Variants in EPC1 observed in about 807,000 individuals in gnomAD.
EPC1 encodes enhancer of polycomb 1, also known as enhancer of polycomb homolog 1.
Under a neutral mutation model 98.4 loss-of-function variants are expected in EPC1, and 12 were observed. The observed-to-expected ratio is 0.12, with a 90% confidence interval of 0.08 to 0.20. The LOEUF (loss-of-function observed/expected upper bound fraction) is 0.20. Ranked by LOEUF, EPC1 falls within the 10% of genes least tolerant of loss-of-function variation. The pLI is 1.00. For synonymous variants in EPC1, 357 were observed against 363.9 expected (o/e 0.98, Z 0.21); for missense variants, 729 against 990.5 (o/e 0.74, Z 3.54).
chr10:32,273,178 G>A lies in EPC1; in HGVS notation c.1848C>T (p.Ser616=). 2.5e-6 allele frequency: 4 copies of A among 1,614,114 alleles called. No individual in the cohort carries two copies. The highest frequency in any genetic ancestry group is 3.4e-6 in the Non-Finnish European group (4 of 1,179,990). ...IQQQQANSNS[S]TNTSQGFVSK... is the part of the protein sequence containing the mutation. ...AATCCCTCACCTGTGATGTGTTGGT[G>A]GAGGAATTACTATTTGCTTGCTGTT... Residue 616 remains serine, a synonymous_variant, in exon 11 of 14, where the codon TCC becomes TCT. Coordinates refer to ENST00000319778, the MANE Select transcript of EPC1 (RefSeq NM_001272004.3).
chr10:32,323,256 AT>A (rs1837044454), intron 1 of EPC1, among the ~76,000 whole-genome samples: 2 of 152,026 alleles, frequency 1.3e-5, no homozygotes, highest in Non-Finnish European at 2.9e-5. Flanking sequence ...AAACCACAAA[AT>A]CCCCCCCAGT....
intron 1 of EPC1, among the ~76,000 whole-genome samples, chr10:32,367,259 G>A (rs1839628547): frequency 1.3e-5 from 2 of 152,160 alleles, no homozygotes; most frequent in Admixed American, 1.3e-4. Flanking sequence ...CCAAAGTGCT[G>A]GGATTACTGG....
upstream of EPC1, among the ~76,000 whole-genome samples, chr10:32,350,008 T>C (rs1323004141): frequency 6.6e-6 from 1 of 152,210 alleles, no homozygotes; most frequent in Admixed American, 6.5e-5. Context: ...GTCCGAAAGA[T>C]TCCTTGAAAA....
intron 1 of EPC1, among the ~76,000 whole-genome samples, chr10:32,344,226 T>C (rs903513151): frequency 2.0e-5 from 3 of 152,216 alleles, no homozygotes; most frequent in African/African-American, 7.2e-5. Context: ...TTCAATATTA[T>C]GATTTACACA....
intron 1 of EPC1, among the ~76,000 whole-genome samples, chr10:32,320,427 T>C (rs915142117): frequency 2.0e-5 from 3 of 152,206 alleles, no homozygotes; most frequent in African/African-American, 7.2e-5. Context: ...TTAAGTGTTA[T>C]GTGAGGAGTT....
Position 32,369,405 on chromosome 10 carries a change from A to T in EPC1, c.3+9086T>A, listed in dbSNP as rs903345746. Reference sequence around the variant, plus strand: ...GTAGGCCTTCAGAATACCTTTTTTTAAAATAAAAAATACAGTAAATATAAA... The same window carrying T: ...GTAGGCCTTCAGAATACCTTTTTTTTAAATAAAAAATACAGTAAATATAAA... On this transcript the variant is annotated intron_variant, in intron 1 of 13. Transcript: ENST00000375110. 3.3e-5 allele frequency among the ~76,000 whole-genome samples: 5 copies of T among 152,162 alleles called. No individual in the cohort carries two copies. In the East Asian group the frequency reaches 9.6e-4, roughly 29 times the overall value.
chr10:32,323,770 G>A (rs1414602321), intron 1 of EPC1, among the ~76,000 whole-genome samples: 1 of 152,124 alleles, frequency 6.6e-6, no homozygotes, highest in Non-Finnish European at 1.5e-5. Flanking sequence ...TCTGACTAAT[G>A]AAATCAACCT....
intron 1 of EPC1, among the ~76,000 whole-genome samples, chr10:32,314,406 C>T (rs1030744400): frequency 7.9e-5 from 12 of 152,184 alleles, no homozygotes; most frequent in African/African-American, 2.9e-4. Context: ...ACTTTTGTTA[C>T]TTCAGCCTGC....
intron 1 of EPC1, among the ~76,000 whole-genome samples, chr10:32,309,593 C>A (rs1442009146): frequency 6.6e-6 from 1 of 150,626 alleles, no homozygotes; most frequent in Non-Finnish European, 1.5e-5. Flanking sequence ...CGGTGGCTCA[C>A]GCCTGTAATC....
chr10:32,337,999 C>T lies in EPC1; in HGVS notation c.153+8764G>A, dbSNP rs951376473. On this transcript the variant is annotated intron_variant, in intron 1 of 13. Transcript: ENST00000319778. ...TCCTCCTCTGAGTCCCAGAGCACAG[C>T]ATTCCATGCGATTCATAAGCTGAAG... is the stretch of plus-strand genomic sequence containing the variant. Among the ~76,000 whole-genome samples, 10 of 152,344 alleles carry T rather than the reference C, an allele frequency of 6.6e-5. No individual in the cohort carries two copies. In the South Asian group the frequency reaches 2.1e-3, roughly 32 times the overall value.
chr10:32,345,033 G>A, intron 1 of EPC1: 1 of 576,070 alleles, frequency 1.7e-6, no homozygotes, highest in Non-Finnish European at 2.2e-6. Flanking sequence ...TTCCAGGGCA[G>A]GGTAAAACCA....
intron 1 of EPC1, among the ~76,000 whole-genome samples, chr10:32,316,460 A>T (rs1406144271): frequency 6.6e-6 from 1 of 152,236 alleles, no homozygotes; most frequent in Non-Finnish European, 1.5e-5. Flanking sequence ...ACTGTGGTAA[A>T]GCCATACAGC....
At chr10:32,302,240 CAAAA>C (rs879413956) in intron 2 of EPC1, among the ~76,000 whole-genome samples, 2 of 138,958 alleles carry the variant, frequency 1.4e-5, no homozygotes, top group Non-Finnish European at 3.1e-5. Flanking sequence ...GACTCCGTCT[CAAAA>C]AAAAAAAAAT....
upstream of EPC1, among the ~76,000 whole-genome samples, chr10:32,351,857 A>G (rs1479935623): frequency 1.4e-5 from 2 of 148,026 alleles, no homozygotes; most frequent in East Asian, 4.1e-4. Context: ...CAGCTTCACA[A>G]GTAGCTGGGA....
At chr10:32,316,039 T>C (rs559900674) in intron 1 of EPC1, among the ~76,000 whole-genome samples, 5 of 152,348 alleles carry the variant, frequency 3.3e-5, no homozygotes, top group Admixed American at 1.3e-4. Flanking sequence ...GCTATAGTCA[T>C]ACTGGATTCC....
chr10:32,291,191 A>G lies in EPC1; in HGVS notation c.947T>C (p.Met316Thr), dbSNP rs567049721. Residue 316 changes from methionine (M) to threonine (T), a missense_variant, in exon 6 of 14, where the codon ATG becomes ACG. Physicochemically the swap from Met to Thr is moderately conservative, Grantham distance 81. Transcript: ENST00000319778. ...ATTAACTTTGAACTCCTTCACATCCATTGCTTCCTGGTGTTTAAATTGACT... is the reference window on the plus strand; with the variant it reads ...ATTAACTTTGAACTCCTTCACATCCGTTGCTTCCTGGTGTTTAAATTGACT... ...NSSQFKHQEA[M>T]DVKEFKVNKQ... is the part of the protein sequence containing the mutation. 2 of 1,613,764 alleles carry G rather than the reference A, an allele frequency of 1.2e-6. No homozygotes were observed. The highest frequency in any genetic ancestry group is 1.3e-5 in the African/African-American group (1 of 75,000).
At chr10:32,311,982 A>G (rs1042396000) in intron 1 of EPC1, among the ~76,000 whole-genome samples, 2 of 152,228 alleles carry the variant, frequency 1.3e-5, no homozygotes, top group Admixed American at 1.3e-4. Context: ...TCATTTCTAG[A>G]ATTTTCCACT....
chr10:32,354,273 G>C (rs553308919), intron 1 of EPC1, among the ~76,000 whole-genome samples: 1 of 151,992 alleles, frequency 6.6e-6, no homozygotes, highest in South Asian at 2.1e-4. Context: ...CAACAAAAAA[G>C]AAATGAAAAA....
chr10:32,367,506 T>A (rs2257113), intron 1 of EPC1, among the ~76,000 whole-genome samples: 90,619 of 152,050 alleles, frequency 0.6, 27,399 homozygotes, highest in East Asian at 0.69. Flanking sequence ...TCATAACAAC[T>A]CAAAATTTAA....
Sources: gnomAD v4.1 joint callset for allele counts (sites outside exome capture counted in the v4.1 genomes callset) on GRCh38, gnomAD v4.1.1 for gene constraint, MANE v1.5 for transcripts, NCBI Gene and HGNC (gene_info 2026-07-23, HGNC 2026-07-21) for gene names.